SHB: variants seen among roughly 807,000 people sequenced by gnomAD.
The protein encoded by SHB is SH2 domain containing adaptor protein B, also known as SH2 domain-containing adapter protein B.
SHB carries 20 observed loss-of-function variants against 52.3 expected under a neutral mutation model. The ratio of observed to expected loss-of-function variants is 0.38; its 90% confidence interval spans 0.27 to 0.56. The LOEUF (loss-of-function observed/expected upper bound fraction) is 0.56. SHB is among the 20% of genes least tolerant of loss of function. The pLI is 0.71. For synonymous variants in SHB, 397 were observed against 316.5 expected, an observed-to-expected ratio of 1.25 and a Z score of -2.70; for missense variants, 825 against 723.3, an observed-to-expected ratio of 1.14 and a Z score of -1.61.
intron 5 of SHB, among the ~76,000 whole-genome samples, chr9:37,940,264 C>T (rs993778944): frequency 3.3e-5 from 5 of 152,232 alleles, no homozygotes; most frequent in African/African-American, 1.2e-4. Flanking sequence ...TTACCACCAG[C>T]AGGGCACATT....
intron 1 of SHB, among the ~76,000 whole-genome samples, chr9:38,065,536 T>A (rs1821950529): frequency 6.6e-6 from 1 of 152,158 alleles, no homozygotes; most frequent in Non-Finnish European, 1.5e-5. Context: ...CAGCAATCTG[T>A]TGTAACCAGC....
At position 37,959,877 on chromosome 9, in the gene SHB, G is replaced by C. The variant is rs1257996587; in HGVS notation, c.1055-3823C>G. On this transcript the variant is annotated intron_variant, in intron 3 of 5. Coordinates refer to ENST00000377707, the MANE Select transcript of SHB (RefSeq NM_003028.3). ...CCCGGTGAGCCCCCTGAGGGTAGGG[G>C]CTGTATCATGTGCCCCTTCCCCCAT... Among the ~76,000 whole-genome samples, 4 of 152,150 alleles carry C rather than the reference G, an allele frequency of 2.6e-5. No homozygotes were observed. The East Asian group carries it at 7.7e-4, about 29-fold the overall frequency.
intron 3 of SHB, among the ~76,000 whole-genome samples, chr9:37,959,243 G>T (rs948120064): frequency 6.6e-6 from 1 of 152,120 alleles, no homozygotes; most frequent in Non-Finnish European, 1.5e-5. Context: ...TTGGGGGAGG[G>T]TGATGCCCCC....
At chr9:37,990,386 G>C (rs1820867940) in intron 2 of SHB, among the ~76,000 whole-genome samples, 1 of 152,064 alleles carries the variant, frequency 6.6e-6, no homozygotes, top group South Asian at 2.1e-4. Flanking sequence ...CACCTCTGGG[G>C]GTCAAGTTCC....
intron 5 of SHB, among the ~76,000 whole-genome samples, chr9:37,932,559 C>CCA (rs1491533384): frequency 8.9e-6 from 1 of 112,734 alleles, no homozygotes; most frequent in Admixed American, 9.9e-5. Flanking sequence ...GCTGCTCTAG[C>CCA]CACAAAAAAA....
rs751009731 is a variant in SHB at position 37,917,553 on chromosome 9, C to T, written c.*2268G>A. Among the ~76,000 whole-genome samples, 3 of 152,320 alleles carry T rather than the reference C, an allele frequency of 2.0e-5. No homozygotes were observed. Among genetic ancestry groups the T allele is most frequent in the East Asian group, 1.9e-4 (1 of 5,190 alleles). On this transcript the variant is annotated 3_prime_UTR_variant, in exon 6 of 6. Transcript: ENST00000377707. ...AGTGTGAGGTCTCACCCTCCTCCCC[C>T]GCCGGAGGGTTGTTCCCCCTCTTCC...
chr9:38,033,674 G>A (rs142230056), intron 1 of SHB, among the ~76,000 whole-genome samples: 2 of 152,140 alleles, frequency 1.3e-5, no homozygotes, highest in African/African-American at 2.4e-5. Flanking sequence ...GATAAAACAG[G>A]TGGTCCCGAG....
intron 2 of SHB, among the ~76,000 whole-genome samples, chr9:37,998,814 T>C (rs569286746): frequency 6.6e-6 from 1 of 152,322 alleles, no homozygotes; most frequent in African/African-American, 2.4e-5. Flanking sequence ...ATGATTAATA[T>C]GTTTGCAGCC....
intron 1 of SHB, among the ~76,000 whole-genome samples, chr9:38,036,223 C>A (rs541955472): frequency 4.4e-4 from 67 of 152,314 alleles, no homozygotes; most frequent in African/African-American, 1.5e-3. Flanking sequence ...CGCCCCGACC[C>A]ACTCTAACGC....
At chr9:38,057,665 C>T (rs1456582884) in intron 1 of SHB, among the ~76,000 whole-genome samples, 1 of 152,194 alleles carries the variant, frequency 6.6e-6, no homozygotes, top group East Asian at 1.9e-4. Flanking sequence ...GGCTGTCTGG[C>T]TTTCTGGGAG....
intron 1 of SHB, among the ~76,000 whole-genome samples, chr9:38,019,659 CACTT>C (rs1821258870): frequency 2.6e-5 from 4 of 152,174 alleles, no homozygotes; most frequent in African/African-American, 9.7e-5. Context: ...TGGGTGGAGA[CACTT>C]ACAAGGGTAA....
At chr9:38,004,445 C>T (rs1821056108) in intron 2 of SHB, among the ~76,000 whole-genome samples, 1 of 152,062 alleles carries the variant, frequency 6.6e-6, no homozygotes, top group African/African-American at 2.4e-5. Context: ...GAGGTGGGCG[C>T]CCCCCAGCCC....
At chr9:38,025,892 C>A (rs972371383) in intron 1 of SHB, among the ~76,000 whole-genome samples, 1 of 152,172 alleles carries the variant, frequency 6.6e-6, no homozygotes, top group African/African-American at 2.4e-5. Context: ...CACTCCTGAG[C>A]GGGTGACAGA....
intron 5 of SHB, among the ~76,000 whole-genome samples, chr9:37,926,743 T>C (rs549951449): frequency 6.6e-6 from 1 of 152,342 alleles, no homozygotes; most frequent in South Asian, 2.1e-4. Context: ...CCTGCTATCT[T>C]AGCAGAAAGC....
At chr9:38,005,346 C>T (rs908118388) in intron 2 of SHB, among the ~76,000 whole-genome samples, 8 of 152,178 alleles carry the variant, frequency 5.3e-5, no homozygotes, top group African/African-American at 1.9e-4. Flanking sequence ...GGAAAAGGAC[C>T]ACAGCCAGCC....
intron 1 of SHB, among the ~76,000 whole-genome samples, chr9:38,067,151 C>T (rs1821980071): frequency 6.6e-6 from 1 of 152,050 alleles, no homozygotes. Context: ...GTCACAAAGT[C>T]CCCCCGTGTT....
intron 5 of SHB, among the ~76,000 whole-genome samples, chr9:37,943,732 C>G (rs1832460268): frequency 6.6e-6 from 1 of 152,194 alleles, no homozygotes; most frequent in South Asian, 2.1e-4. Flanking sequence ...AGGGCAGAGC[C>G]TGCCCAGCAG....
In SHB at chr9:38,068,692, C is replaced by G; in HGVS notation, c.-47G>C. On this transcript the variant is annotated 5_prime_UTR_variant, in exon 1 of 6. Transcript: ENST00000377707. ...GCGGCGCGGGAGCCCGGTCCGCCGCCGCGGCCATTCGGGGGGCAGCGCTGC... is the reference window on the plus strand; with the variant it reads ...GCGGCGCGGGAGCCCGGTCCGCCGCGGCGGCCATTCGGGGGGCAGCGCTGC... The G allele has an allele frequency of 8.0e-7, 1 of 1,242,368 alleles. No individual in the cohort carries two copies. Among genetic ancestry groups the G allele is most frequent in the Non-Finnish European group, 1.0e-6 (1 of 993,980 alleles). The allele number at this position is 1,242,368 out of a possible 1,614,324, so 77.0% of individuals were successfully genotyped here.
Position 37,933,822 on chromosome 9 carries a change from A to G in SHB, c.1347-13818T>C, listed in dbSNP as rs115958341. On this transcript the variant is annotated intron_variant, in intron 5 of 5. Transcript: ENST00000377707. Reference sequence around the variant, plus strand: ...AAGTTCTTCCATGTCCTGAGCTGAAATGTGGCTAACTACAGCTTGCTGAGA... The same window carrying G: ...AAGTTCTTCCATGTCCTGAGCTGAAGTGTGGCTAACTACAGCTTGCTGAGA... Among the ~76,000 whole-genome samples the G allele has an allele frequency of 4.2e-3, 639 of 152,248 alleles. 5 individuals carry two copies. The highest frequency in any genetic ancestry group is 0.015 in the African/African-American group (614 of 41,544).
Sources: gnomAD v4.1 joint callset for allele counts (sites outside exome capture counted in the v4.1 genomes callset) on GRCh38, gnomAD v4.1.1 for gene constraint, MANE v1.5 for transcripts, NCBI Gene and HGNC (gene_info 2026-07-23, HGNC 2026-07-21) for gene names.